AK4: variants seen among roughly 807,000 people sequenced by gnomAD.
AK4 encodes the protein adenylate kinase 4, also known as adenylate kinase 4, mitochondrial.
A neutral mutation model predicts 24.6 loss-of-function variants in AK4; 13 were observed. That is an observed-to-expected ratio of 0.53 (90% CI 0.34 to 0.84). AK4 has a LOEUF of 0.84. AK4 is among the 40% of genes least tolerant of loss of function. The probability of loss-of-function intolerance (pLI) is 0.01; values close to 1 mark genes in which losing one functional copy is unlikely to be tolerated. For synonymous variants in AK4, 88 were observed against 107.0 expected, an observed-to-expected ratio of 0.82 and a Z score of 1.10; for missense variants, 192 against 288.2, an observed-to-expected ratio of 0.67 and a Z score of 2.42.
In AK4 at chr1:65,168,981, G is replaced by C. The variant is rs142197459; in HGVS notation, c.145+20429G>C. Among the ~76,000 whole-genome samples the C allele has an allele frequency of 7.3e-3, 1,118 of 152,194 alleles. 3 individuals carry two copies. The highest frequency in any genetic ancestry group is 0.011 in the Non-Finnish European group (762 of 68,000). On this transcript the variant is annotated intron_variant, in intron 1 of 4. Transcript: ENST00000327299. ...CTTGAGGCCAGGACTTCTGAGACCA[G>C]CCTGGGCAATGTAGCAAGACCATGT... is the stretch of plus-strand genomic sequence containing the variant.
chr1:65,158,347 A>G (rs920550495), intron 1 of AK4, among the ~76,000 whole-genome samples: 1 of 152,180 alleles, frequency 6.6e-6, no homozygotes, highest in Non-Finnish European at 1.5e-5. Flanking sequence ...GTTAAATGGT[A>G]TTATATTATG....
In AK4 at chr1:65,229,887, T is replaced by C. The variant is rs902628963; in HGVS notation, c.*3710T>C. The C allele has an allele frequency of 3.9e-5, 6 of 152,234 alleles. No homozygotes were observed. The highest frequency in any genetic ancestry group is 1.4e-4 in the African/African-American group (6 of 41,416). The allele number at this position is 152,234 out of a possible 1,614,324, so 9.4% of individuals were successfully genotyped here. On this transcript the variant is annotated 3_prime_UTR_variant, in exon 5 of 5. Coordinates refer to ENST00000327299, the MANE Select transcript of AK4 (RefSeq NM_013410.4). Reference sequence around the variant, plus strand: ...TTTTCCTTCCTGAGATCAGAACAAATCACCCCCTTACTCCCACTCCAAACA... The same window carrying C: ...TTTTCCTTCCTGAGATCAGAACAAACCACCCCCTTACTCCCACTCCAAACA...
intron 1 of AK4, among the ~76,000 whole-genome samples, chr1:65,157,261 C>G (rs917548662): frequency 9.9e-5 from 15 of 152,144 alleles, no homozygotes; most frequent in Middle Eastern, 3.2e-3. Flanking sequence ...GTCCTGGGAC[C>G]ACAATTTAAT....
At chr1:65,220,198 G>A (rs1050142784) in intron 3 of AK4, among the ~76,000 whole-genome samples, 1 of 152,190 alleles carries the variant, frequency 6.6e-6, no homozygotes, top group African/African-American at 2.4e-5. Flanking sequence ...AAATATTCAC[G>A]TGCAGAGTTT....
intron 1 of AK4, among the ~76,000 whole-genome samples, chr1:65,149,766 C>G (rs1649703691): frequency 6.6e-6 from 1 of 152,154 alleles, no homozygotes; most frequent in Non-Finnish European, 1.5e-5. Context: ...AAACTCTTCC[C>G]CCACCCCCAT....
At chr1:65,182,327 G>A (rs549802124) in intron 1 of AK4, among the ~76,000 whole-genome samples, 36 of 152,232 alleles carry the variant, frequency 2.4e-4, no homozygotes, top group African/African-American at 7.9e-4. Context: ...TTTCAGCTGT[G>A]GTTCTGAGTG....
chr1:65,197,786 A>G (rs1474547126), intron 2 of AK4, among the ~76,000 whole-genome samples: 1 of 152,214 alleles, frequency 6.6e-6, no homozygotes, highest in Non-Finnish European at 1.5e-5. Context: ...CTAGTACATA[A>G]CAACTCTGAC....
chr1:65,177,846 T>C (rs1003227454), intron 1 of AK4, among the ~76,000 whole-genome samples: 1 of 152,196 alleles, frequency 6.6e-6, no homozygotes, highest in African/African-American at 2.4e-5. Flanking sequence ...TCCACTTATG[T>C]AGTCTAATCA....
intron 2 of AK4, among the ~76,000 whole-genome samples, chr1:65,214,731 T>A (rs535287102): frequency 6.6e-6 from 1 of 152,204 alleles, no homozygotes; most frequent in Admixed American, 6.5e-5. Context: ...TAATATACCA[T>A]GCTTGCCTCC....
At chr1:65,159,690 C>G (rs1478097960) in intron 1 of AK4, among the ~76,000 whole-genome samples, 3 of 149,264 alleles carry the variant, frequency 2.0e-5, no homozygotes, top group Non-Finnish European at 4.4e-5. Flanking sequence ...AAAAAGTTGG[C>G]CGGGCGTGGT....
intron 2 of AK4, among the ~76,000 whole-genome samples, chr1:65,202,656 C>T (rs929682110): frequency 4.9e-4 from 75 of 151,990 alleles, no homozygotes; most frequent in African/African-American, 1.4e-3. Context: ...CATCCAGTTC[C>T]TGGGAATTGG....
chr1:65,205,039 A>T (rs1651773837), intron 2 of AK4, among the ~76,000 whole-genome samples: 1 of 152,184 alleles, frequency 6.6e-6, no homozygotes, highest in East Asian at 1.9e-4. Flanking sequence ...TTTTCATTCA[A>T]CACTGGGTTG....
intron 2 of AK4, among the ~76,000 whole-genome samples, chr1:65,205,673 A>C (rs1651790223): frequency 6.6e-6 from 1 of 152,028 alleles, no homozygotes; most frequent in Non-Finnish European, 1.5e-5. Context: ...TATCCTCCTG[A>C]TCTGCAATTC....
chr1:65,178,374 C>T (rs1022135686), intron 1 of AK4, among the ~76,000 whole-genome samples: 23 of 152,166 alleles, frequency 1.5e-4, no homozygotes, highest in African/African-American at 4.6e-4. Flanking sequence ...TTCTGCCCAC[C>T]GAGCTGTGTT....
intron 2 of AK4, among the ~76,000 whole-genome samples, chr1:65,215,331 C>G (rs1326451637): frequency 6.6e-6 from 1 of 152,022 alleles, no homozygotes; most frequent in Non-Finnish European, 1.5e-5. Flanking sequence ...GCCACCATGC[C>G]CGGCTAATTT....
In AK4 at chr1:65,229,408, C is replaced by G. The variant is rs936818421; in HGVS notation, c.*3231C>G. 3 of 152,196 alleles carry G rather than the reference C, an allele frequency of 2.0e-5. No individual in the cohort carries two copies. The highest frequency in any genetic ancestry group is 2.1e-4 in the South Asian group (1 of 4,806). The allele number at this position is 152,196 out of a possible 1,614,324, so 9.4% of individuals were successfully genotyped here. On this transcript the variant is annotated 3_prime_UTR_variant, in exon 5 of 5. Transcript: ENST00000327299. ...AATTAGCCAGTCATGGTGGTGTACA[C>G]TTATGGTCCTAGTTACTCAGGAGAC...
intron 1 of AK4, among the ~76,000 whole-genome samples, chr1:65,156,499 A>G (rs1160718756): frequency 6.6e-6 from 1 of 152,230 alleles, no homozygotes; most frequent in Non-Finnish European, 1.5e-5. Context: ...GTACAGATAT[A>G]TCATAGTTTA....
intron 1 of AK4, among the ~76,000 whole-genome samples, chr1:65,186,343 G>A (rs575628201): frequency 3.9e-5 from 6 of 152,110 alleles, no homozygotes; most frequent in African/African-American, 1.4e-4. Context: ...TGCCCAGGCT[G>A]GTCTCAAACT....
At chr1:65,158,007 G>A (rs1031233090) in intron 1 of AK4, among the ~76,000 whole-genome samples, 1 of 152,180 alleles carries the variant, frequency 6.6e-6, no homozygotes, top group Non-Finnish European at 1.5e-5. Context: ...TGGTCCACAA[G>A]AGGTCCTTGC....
Sources: gnomAD v4.1 joint callset for allele counts (sites outside exome capture counted in the v4.1 genomes callset) on GRCh38, gnomAD v4.1.1 for gene constraint, MANE v1.5 for transcripts, NCBI Gene and HGNC (gene_info 2026-07-23, HGNC 2026-07-21) for gene names.